Variants in ATP2B4 observed in about 807,000 individuals in gnomAD.
ATP2B4 encodes the protein ATPase plasma membrane Ca2+ transporting 4.
ATP2B4 carries 39 observed loss-of-function variants against 110.3 expected under a neutral mutation model. The observed-to-expected ratio is 0.35, with a 90% confidence interval of 0.27 to 0.46. The LOEUF (loss-of-function observed/expected upper bound fraction) is 0.46, where lower values mean the gene tolerates loss of function less well. ATP2B4 is among the 20% of genes least tolerant of loss of function. The probability of loss-of-function intolerance (pLI) is 1.00; values close to 1 mark genes in which losing one functional copy is unlikely to be tolerated. For synonymous variants in ATP2B4, 538 were observed against 571.7 expected (o/e 0.94, Z 0.84); for missense variants, 1,135 against 1,530.9 (o/e 0.74, Z 4.32).
intron 1 of ATP2B4, among the ~76,000 whole-genome samples, chr1:203,644,688 G>A (rs1663739563): frequency 6.6e-6 from 1 of 152,190 alleles, no homozygotes; most frequent in Non-Finnish European, 1.5e-5. Context: ...TCTCACTGCT[G>A]TCTTGCTCAG....
intron 7 of ATP2B4, among the ~76,000 whole-genome samples, chr1:203,703,164 CGAGAGAGAGAGAGAGA>C (rs144760902): frequency 5.5e-5 from 8 of 145,248 alleles, no homozygotes; most frequent in South Asian, 2.2e-4. Context: ...CCCTGACAAT[CGAGAGAGAGAGAGAGA>C]GAGAGAGAGA....
chr1:203,659,469 G>A (rs1351604686), intron 1 of ATP2B4, among the ~76,000 whole-genome samples: 1 of 151,940 alleles, frequency 6.6e-6, no homozygotes, highest in Admixed American at 6.6e-5. Context: ...AGGAGTTTGA[G>A]ACCAGCCGAG....
intron 1 of ATP2B4, among the ~76,000 whole-genome samples, chr1:203,677,387 A>C (rs1664859338): frequency 6.6e-6 from 1 of 152,140 alleles, no homozygotes; most frequent in Admixed American, 6.5e-5. Flanking sequence ...GGAGAAGTAG[A>C]GCCTCGCTTG....
intron 20 of ATP2B4, among the ~76,000 whole-genome samples, chr1:203,734,533 C>G (rs1404934113): frequency 1.3e-5 from 2 of 151,848 alleles, no homozygotes; most frequent in Non-Finnish European, 2.9e-5. Context: ...ATGGCGAAAC[C>G]CTGTCTCTAC....
chr1:203,672,337 T>A (rs1664694004), intron 1 of ATP2B4, among the ~76,000 whole-genome samples: 1 of 63,158 alleles, frequency 1.6e-5, no homozygotes, highest in Non-Finnish European at 5.0e-5. Flanking sequence ...TTTTTTTTTT[T>A]TTTTTTTTTT....
At chr1:203,688,776 A>G (rs1294401124) in intron 2 of ATP2B4, among the ~76,000 whole-genome samples, 1 of 152,124 alleles carries the variant, frequency 6.6e-6, no homozygotes, top group Non-Finnish European at 1.5e-5. Flanking sequence ...AGCCAAAAAG[A>G]GAAGAAAATT....
intron 2 of ATP2B4, among the ~76,000 whole-genome samples, chr1:203,695,487 C>T (rs1299051350): frequency 2.6e-5 from 4 of 152,186 alleles, no homozygotes; most frequent in African/African-American, 9.7e-5. Context: ...GGCCAAACCT[C>T]ACAGCTCTGC....
chr1:203,714,720 G>A (rs1259062470), intron 15 of ATP2B4, among the ~76,000 whole-genome samples: 1 of 149,736 alleles, frequency 6.7e-6, no homozygotes, highest in Admixed American at 6.6e-5. Flanking sequence ...TCTTAATTCA[G>A]TAGGTCTGGG....
At chr1:203,712,609 A>AG (rs1244468521) in intron 13 of ATP2B4, among the ~76,000 whole-genome samples, 1 of 150,982 alleles carries the variant, frequency 6.6e-6, no homozygotes, top group African/African-American at 2.4e-5. Flanking sequence ...AAAAAAAAAG[A>AG]GGGGGGGAGT....
chr1:203,686,972 G>A (rs1455301748), intron 2 of ATP2B4, among the ~76,000 whole-genome samples: 6 of 148,742 alleles, frequency 4.0e-5, no homozygotes, highest in Non-Finnish European at 8.9e-5. Context: ...TGGGATTACA[G>A]GCGTGAGCCA....
At chr1:203,694,087 TA>T (rs967319303) in intron 2 of ATP2B4, among the ~76,000 whole-genome samples, 18 of 152,268 alleles carry the variant, frequency 1.2e-4, no homozygotes, top group African/African-American at 4.3e-4. Flanking sequence ...AGCTACCAGG[TA>T]GGGGTTTGTG....
chr1:203,724,586 G>A (rs1666447453), intron 19 of ATP2B4, among the ~76,000 whole-genome samples: 1 of 146,902 alleles, frequency 6.8e-6, no homozygotes, highest in South Asian at 2.3e-4. Context: ...ATGGAATTTT[G>A]CTACAAAAAA....
At chr1:203,685,767 A>G (rs1195889615) in intron 2 of ATP2B4, among the ~76,000 whole-genome samples, 1 of 152,160 alleles carries the variant, frequency 6.6e-6, no homozygotes, top group African/African-American at 2.4e-5. Context: ...CTTTGAAAAT[A>G]ATGTTAATAA....
At chr1:203,719,189 C>T (rs1422167335) in intron 15 of ATP2B4, among the ~76,000 whole-genome samples, 2 of 142,984 alleles carry the variant, frequency 1.4e-5, no homozygotes, top group African/African-American at 5.4e-5. Context: ...CACACCTCTG[C>T]ACTCCAGCCT....
At chr1:203,653,448 T>G (rs191709310) in intron 1 of ATP2B4, among the ~76,000 whole-genome samples, 19 of 152,354 alleles carry the variant, frequency 1.2e-4, no homozygotes, top group Admixed American at 1.2e-3. Flanking sequence ...CAGATTTTAA[T>G]GTAGGCAAAA....
At chr1:203,733,758 T>C (rs1666801798) in intron 20 of ATP2B4, 2 of 205,444 alleles carry the variant, frequency 9.7e-6, no homozygotes, top group South Asian at 1.9e-4. Flanking sequence ...GTTCCTCTCT[T>C]CTCCTCCTGC....
At chr1:203,713,118 T>C in intron 13 of ATP2B4, 47 bp from the exon 14 acceptor site, 1 of 1,606,056 alleles carries the variant, frequency 6.2e-7, no homozygotes, top group South Asian at 1.1e-5. Flanking sequence ...TTTTCCTGGA[T>C]AGCTTTTCTG....
intron 1 of ATP2B4, among the ~76,000 whole-genome samples, chr1:203,630,390 A>G (rs947266294): frequency 8.2e-5 from 11 of 133,386 alleles, no homozygotes; most frequent in African/African-American, 3.2e-4. Flanking sequence ...TTTTTTTTCA[A>G]TGCTCCTGGC....
chr1:203,686,982 A>G (rs1665211913), intron 2 of ATP2B4, among the ~76,000 whole-genome samples: 1 of 142,558 alleles, frequency 7.0e-6, no homozygotes, highest in South Asian at 2.2e-4. Flanking sequence ...GGCGTGAGCC[A>G]TGGCATCTGG....
Sources: allele counts gnomAD v4.1 joint callset (sites outside exome capture counted in the v4.1 genomes callset), GRCh38; gene constraint gnomAD v4.1.1; transcripts MANE v1.5; gene names NCBI Gene and HGNC (gene_info 2026-07-23, HGNC 2026-07-21).